The following PLXNA4 variants were observed in gnomAD, a reference collection of about 807,000 sequenced individuals.
PLXNA4 encodes plexin A4, also known as plexin-A4.
A neutral mutation model predicts 191.8 loss-of-function variants in PLXNA4; 44 were observed. The ratio of observed to expected loss-of-function variants is 0.23; its 90% CI spans 0.18 to 0.29. The LOEUF (loss-of-function observed/expected upper bound fraction) is 0.29. PLXNA4 is among the 10% of genes least tolerant of loss of function. The pLI is 1.00. For synonymous variants in PLXNA4, 1,082 were observed against 1,009.5 expected, an observed-to-expected ratio of 1.07 and a Z score of -1.36; for missense variants, 1,800 against 2,488.8, an observed-to-expected ratio of 0.72 and a Z score of 5.89.
Position 132,619,266 on chromosome 7 carries a change from A to G in PLXNA4, c.-87+26662T>C, listed in dbSNP as rs143635726. ...ACATTCTCTGGCTAGCCCCCAAGAG[A>G]TATTTTAAATTCCACTTACAAATCA... On this transcript the variant is annotated intron_variant, in intron 2 of 4. Transcript: ENST00000378539. 1.8e-3 allele frequency among the ~76,000 whole-genome samples: 274 copies of G among 152,326 alleles called. 4 individuals are homozygous for G. Among genetic ancestry groups the G allele is most frequent in the African/African-American group, 6.4e-3 (268 of 41,576 alleles).
At chr7:132,582,199 T>A (rs962957075), upstream of PLXNA4, among the ~76,000 whole-genome samples, 1 of 152,226 alleles carries the variant, frequency 6.6e-6, no homozygotes, top group Non-Finnish European at 1.5e-5. Context: ...GTACACTGGC[T>A]AAGTAGTTTA....
chr7:132,467,285 T>C (rs1338026687), intron 3 of PLXNA4, among the ~76,000 whole-genome samples: 1 of 152,132 alleles, frequency 6.6e-6, no homozygotes, highest in African/African-American at 2.4e-5. Flanking sequence ...TGAGTTTGCA[T>C]TATTTTTCCA....
rs555086685 is a variant in PLXNA4, at chr7:132,630,731, T to C, written c.-87+15197A>G. ...TTTCACTGTGTTAGCCAGGATGGTC[T>C]CAATCTCCTGACCTTGTGATCCGCC... On this transcript the variant is annotated intron_variant, in intron 2 of 4. Transcript: ENST00000378539. Among the ~76,000 whole-genome samples, 12 of 152,248 alleles carry C rather than the reference T, an allele frequency of 7.9e-5. No individual in the cohort carries two copies. The South Asian group carries it at 1.5e-3, about 18-fold the overall frequency.
At chr7:132,482,880 G>A (rs768251647) in intron 3 of PLXNA4, among the ~76,000 whole-genome samples, 6 of 151,938 alleles carry the variant, frequency 3.9e-5, no homozygotes, top group Non-Finnish European at 8.8e-5. Flanking sequence ...TTTAGTAAAG[G>A]CAGGGTTTTA....
intron 3 of PLXNA4, among the ~76,000 whole-genome samples, chr7:132,461,894 G>A (rs1449526403): frequency 6.6e-6 from 1 of 152,204 alleles, no homozygotes; most frequent in Non-Finnish European, 1.5e-5. Context: ...AAGTCTTAAT[G>A]GCAAATGCCG....
intron 3 of PLXNA4, among the ~76,000 whole-genome samples, chr7:132,436,402 G>T (rs138252771): frequency 6.6e-6 from 1 of 152,130 alleles, no homozygotes; most frequent in Non-Finnish European, 1.5e-5. Flanking sequence ...TAATTACTTC[G>T]CCCAGCCATC....
Position 132,184,085 on chromosome 7 carries a change from C to T in PLXNA4, c.3158+1214G>A, listed in dbSNP as rs148154081. On this transcript the variant is annotated intron_variant, in intron 16 of 31. Transcript: ENST00000321063. Reference sequence around the variant, plus strand: ...TCCCTGGATTAAAAAAAGATTGTTCCCTGGACTGGACACATCCCTGCTCTC... The same window carrying T: ...TCCCTGGATTAAAAAAAGATTGTTCTCTGGACTGGACACATCCCTGCTCTC... Among the ~76,000 whole-genome samples the T allele has an allele frequency of 4.4e-3, 677 of 152,276 alleles. 3 individuals are homozygous for T. The highest frequency in any genetic ancestry group is 0.015 in the African/African-American group (633 of 41,540).
At chr7:132,512,623 C>T (rs771452142) in intron 1 of PLXNA4, among the ~76,000 whole-genome samples, 1 of 152,164 alleles carries the variant, frequency 6.6e-6, no homozygotes, top group Non-Finnish European at 1.5e-5. Context: ...TGAGCTCCAG[C>T]TTGCCTCACC....
rs377397430 is a variant in PLXNA4, at chr7:132,214,774, C to T, written c.2098-3631G>A. Among the ~76,000 whole-genome samples the T allele has an allele frequency of 1.6e-3, 242 of 152,234 alleles. 10 individuals carry two copies. The South Asian group carries it at 0.044, about 28-fold the overall frequency. ...CCCAGCAGGAGTCTGGCTGGGAATCCTGTAACTGTGAGAACAAGTCTGTCT... is the reference window on the plus strand; with the variant it reads ...CCCAGCAGGAGTCTGGCTGGGAATCTTGTAACTGTGAGAACAAGTCTGTCT... On this transcript the variant is annotated intron_variant, in intron 9 of 31. Coordinates refer to ENST00000321063, the MANE Select transcript of PLXNA4 (RefSeq NM_020911.2).
chr7:132,184,728 G>A (rs891954743), intron 16 of PLXNA4, among the ~76,000 whole-genome samples: 2 of 130,284 alleles, frequency 1.5e-5, no homozygotes, highest in Non-Finnish European at 1.5e-5. Flanking sequence ...AGTGCATCTG[G>A]CTGGGCACTG....
chr7:132,398,113 C>T (rs1338593786), intron 3 of PLXNA4, among the ~76,000 whole-genome samples: 2 of 152,238 alleles, frequency 1.3e-5, no homozygotes, highest in Non-Finnish European at 2.9e-5. Context: ...CACGCTGTGC[C>T]TCTAGCATGG....
At chr7:132,537,744 C>T (rs1799909241) in intron 1 of PLXNA4, among the ~76,000 whole-genome samples, 1 of 152,166 alleles carries the variant, frequency 6.6e-6, no homozygotes, top group East Asian at 1.9e-4. Context: ...GTGTCAAATT[C>T]ACAATGACAG....
At chr7:132,355,665 G>C (rs1305100568) in intron 3 of PLXNA4, among the ~76,000 whole-genome samples, 2 of 152,084 alleles carry the variant, frequency 1.3e-5, no homozygotes, top group East Asian at 3.9e-4. Flanking sequence ...CCTAGTGTGG[G>C]ATGAGACAAG....
intron 1 of PLXNA4, among the ~76,000 whole-genome samples, chr7:132,512,923 T>C (rs1798785614): frequency 6.6e-6 from 1 of 152,240 alleles, no homozygotes; most frequent in African/African-American, 2.4e-5. Context: ...AGCCCAACTC[T>C]GATTCTTAAA....
At chr7:132,547,203 C>A (rs1003669717) in intron 1 of PLXNA4, among the ~76,000 whole-genome samples, 1 of 152,130 alleles carries the variant, frequency 6.6e-6, no homozygotes, top group African/African-American at 2.4e-5. Flanking sequence ...CTGATGCTGA[C>A]CACTTCACAC....
chr7:132,180,857 T>C, intron 18 of PLXNA4, 125 bp from the exon 19 acceptor site: 1 of 1,438,054 alleles, frequency 7.0e-7, no homozygotes, highest in Non-Finnish European at 9.3e-7. Context: ...CCACCTTTGG[T>C]AATAAGTGCA....
At chr7:132,595,658 TCA>T (rs1280177955) in intron 2 of PLXNA4, among the ~76,000 whole-genome samples, 8 of 152,194 alleles carry the variant, frequency 5.3e-5, no homozygotes, top group Admixed American at 5.2e-4. Context: ...TGATTCTCGT[TCA>T]GTCAGTACAT....
intron 4 of PLXNA4, among the ~76,000 whole-genome samples, chr7:132,248,993 T>A (rs537147481): frequency 9.6e-4 from 146 of 152,246 alleles, no homozygotes; most frequent in African/African-American, 3.3e-3. Context: ...AGGCACAGGG[T>A]CAAGGGCAGC....
At chr7:132,164,007 T>C in intron 24 of PLXNA4, 135 bp downstream of exon 24, 1 of 1,396,526 alleles carries the variant, frequency 7.2e-7, no homozygotes, top group Admixed American at 2.3e-5. Flanking sequence ...CGGGAGCACC[T>C]GGCTGGGCCC....
Sources: allele counts gnomAD v4.1 joint callset (sites outside exome capture counted in the v4.1 genomes callset), GRCh38; gene constraint gnomAD v4.1.1; transcripts MANE v1.5; gene names NCBI Gene and HGNC (gene_info 2026-07-23, HGNC 2026-07-21).